Variants in STX6 observed in about 807,000 individuals in gnomAD.
The protein encoded by STX6 is syntaxin 6, also known as syntaxin-6.
Under a neutral mutation model 38.0 loss-of-function variants are expected in STX6, and 23 were observed. The ratio of observed to expected loss-of-function variants is 0.60; its 90% CI spans 0.43 to 0.86. The LOEUF is 0.86. Among genes scored for constraint, STX6 ranks in the 40% least tolerant of loss-of-function variants. The pLI, the probability that STX6 is intolerant of heterozygous loss-of-function variation, is 0.00. For synonymous variants in STX6, 123 were observed against 107.5 expected (o/e 1.14, Z -0.89); for missense variants, 274 against 312.9 (o/e 0.88, Z 0.94).
Position 181,005,294 on chromosome 1 carries a change from T to C in STX6, c.205A>G (p.Ser69Gly), listed in dbSNP as rs1211295944. Residue 69 changes from serine to glycine, a missense_variant and splice_region_variant, in exon 2 of 8, where the codon AGC becomes GGC. Ser to Gly is a moderately conservative substitution (Grantham distance 56). Coordinates refer to ENST00000258301, the MANE Select transcript of STX6 (RefSeq NM_005819.6). Reference sequence around the variant, plus strand: ...GCACAGACACCACAGAAAAGGATATTGATGGTTTCATCAAGGTCCTCTAGA... The same window carrying C: ...GCACAGACACCACAGAAAAGGATATCGATGGTTTCATCAAGGTCCTCTAGA... ...WDLEDLDETI[S>G]IVEANPRKFN... 3 of 1,613,334 alleles carry C rather than the reference T, an allele frequency of 1.9e-6. No homozygotes were observed. Among genetic ancestry groups the C allele is most frequent in the South Asian group, 1.1e-5 (1 of 90,956 alleles).
At chr1:180,997,804 C>T (rs1655955665) in intron 3 of STX6, among the ~76,000 whole-genome samples, 1 of 150,688 alleles carries the variant, frequency 6.6e-6, no homozygotes, top group Non-Finnish European at 1.5e-5. Flanking sequence ...AAAAAAGTTA[C>T]AGATTATCAT....
At chr1:180,999,428 T>C (rs982223529) in intron 3 of STX6, among the ~76,000 whole-genome samples, 3 of 152,170 alleles carry the variant, frequency 2.0e-5, no homozygotes, top group Non-Finnish European at 4.4e-5. Flanking sequence ...TATAGGTGAC[T>C]CCACAAGAGT....
chr1:180,993,445 GA>G lies in STX6; in HGVS notation c.301-21del. The G allele has an allele frequency of 7.0e-7, 1 of 1,430,252 alleles. No homozygotes were observed. Among genetic ancestry groups the G allele is most frequent in the Non-Finnish European group, 9.8e-7 (1 of 1,022,048 alleles). The allele number at this position is 1,430,252 out of a possible 1,614,324, so 88.6% of individuals were successfully genotyped here. On this transcript the variant is annotated intron_variant, in intron 3 of 7. Transcript: ENST00000258301. Reference sequence around the variant, plus strand: ...CATGTCCTAATGAGAAAGAAGATACGAAAACAAATGAAAAATATCCTTAAAC... The same window carrying G: ...CATGTCCTAATGAGAAAGAAGATACGAAACAAATGAAAAATATCCTTAAAC...
At chr1:181,008,726 TG>T (rs368052720) in intron 1 of STX6, among the ~76,000 whole-genome samples, 223 of 130,608 alleles carry the variant, frequency 1.7e-3, no homozygotes, top group African/African-American at 6.7e-3. Context: ...TTTCCAAAAT[TG>T]TTTTTTTTTT....
chr1:181,014,213 C>T (rs969285483), intron 1 of STX6, among the ~76,000 whole-genome samples: 11 of 151,920 alleles, frequency 7.2e-5, no homozygotes, highest in African/African-American at 2.7e-4. Flanking sequence ...CTGGCCAATA[C>T]AGTCAAACCG....
Position 180,999,630 on chromosome 1 carries a change from C to T in STX6, c.300+2976G>A, listed in dbSNP as rs542919483. On this transcript the variant is annotated intron_variant, in intron 3 of 7. Transcript: ENST00000258301. ...TGGACATTAATCAAGAAGAAACAGG[C>T]GATTTACTTCTTCAGGTTGAAGCAA... Among the ~76,000 whole-genome samples the T allele has an allele frequency of 1.2e-3, 182 of 146,266 alleles. 1 individual carries two copies. The highest frequency in any genetic ancestry group is 4.4e-3 in the African/African-American group (174 of 39,146).
intron 3 of STX6, among the ~76,000 whole-genome samples, chr1:180,993,692 A>AG (rs397828032): frequency 6.6e-6 from 1 of 151,966 alleles, no homozygotes; most frequent in Non-Finnish European, 1.5e-5. Flanking sequence ...CAGGTCAGAA[A>AG]CAGTGCTAAA....
intron 7 of STX6, among the ~76,000 whole-genome samples, chr1:180,977,631 G>A (rs774635571): frequency 2.0e-5 from 3 of 152,134 alleles, no homozygotes; most frequent in Middle Eastern, 3.2e-3. Flanking sequence ...ATTCACTAGC[G>A]TATGAAAATG....
chr1:181,012,620 A>G (rs1389642437), intron 1 of STX6, among the ~76,000 whole-genome samples: 6 of 151,792 alleles, frequency 4.0e-5, no homozygotes, highest in African/African-American at 1.5e-4. Flanking sequence ...TGAAGAATGC[A>G]TCTTTTGGGA....
At chr1:181,001,984 G>C (rs757685598) in intron 3 of STX6, among the ~76,000 whole-genome samples, 7 of 152,144 alleles carry the variant, frequency 4.6e-5, no homozygotes, top group Non-Finnish European at 7.4e-5. Context: ...TTCAAGACCA[G>C]CCTGAGCAAC....
chr1:180,985,913 T>A (rs1655568022), intron 6 of STX6, among the ~76,000 whole-genome samples: 1 of 152,216 alleles, frequency 6.6e-6, no homozygotes, highest in Admixed American at 6.5e-5. Flanking sequence ...GGCAACCAAC[T>A]CTTCATTAAA....
chr1:181,017,905 A>C (rs1487203456), intron 1 of STX6, among the ~76,000 whole-genome samples: 1 of 152,200 alleles, frequency 6.6e-6, no homozygotes, highest in East Asian at 1.9e-4. Flanking sequence ...CTCCAGGAAT[A>C]CAGGCTATGA....
intron 1 of STX6, among the ~76,000 whole-genome samples, chr1:181,022,044 T>TC (rs1424540872): frequency 6.6e-6 from 1 of 152,028 alleles, no homozygotes; most frequent in African/African-American, 2.4e-5. Context: ...CAGTAAAAAC[T>TC]CCCCCATTGA....
intron 3 of STX6, 86 bp downstream of exon 3, chr1:181,002,520 A>T: frequency 2.2e-6 from 2 of 910,836 alleles, no homozygotes. Flanking sequence ...TTCAGAGGTG[A>T]CCTATTAGTT....
chr1:181,002,745 GACA>G, intron 2 of STX6, 45 bp from the exon 3 acceptor site: 2 of 1,312,542 alleles, frequency 1.5e-6, no homozygotes, highest in East Asian at 2.3e-5. Context: ...ATCAAAGCCT[GACA>G]ACATCCTGTT....
intron 5 of STX6, 139 bp downstream of exon 5, chr1:180,989,845 T>A: frequency 9.5e-7 from 1 of 1,053,446 alleles, no homozygotes; most frequent in Non-Finnish European, 1.4e-6. Context: ...CATATGCAAT[T>A]ATTAAACACA....
At chr1:180,996,559 G>A (rs1052190061) in intron 3 of STX6, among the ~76,000 whole-genome samples, 2 of 151,954 alleles carry the variant, frequency 1.3e-5, no homozygotes, top group African/African-American at 4.8e-5. Flanking sequence ...CTTTTTGTAG[G>A]ATACTTTGAA....
chr1:181,005,367 G>A lies in STX6; in HGVS notation c.132C>T (p.Asp44=). ...DPSTATREEI[D]WTTNELRNNL... ...TATTTCTCAGCTCGTTGGTGGTCCA[G>A]TCGATTTCTTCCCTTGTTGCTGTGG... The change falls in exon 2 of 8, where the codon GAC becomes GAT. Residue 44 remains aspartate, a synonymous_variant. Coordinates refer to ENST00000258301, the MANE Select transcript of STX6 (RefSeq NM_005819.6). 1 of 1,614,100 alleles carries A rather than the reference G, an allele frequency of 6.2e-7. No homozygotes were observed. The highest frequency in any genetic ancestry group is 8.5e-7 in the Non-Finnish European group (1 of 1,179,988).
chr1:180,986,901 G>A (rs975596456), intron 6 of STX6, among the ~76,000 whole-genome samples: 2 of 152,076 alleles, frequency 1.3e-5, no homozygotes, highest in Non-Finnish European at 1.5e-5. Flanking sequence ...TCCTCAAACT[G>A]AACTTTAGGG....
Sources: gnomAD v4.1 joint callset for allele counts (sites outside exome capture counted in the v4.1 genomes callset) on GRCh38, gnomAD v4.1.1 for gene constraint, MANE v1.5 for transcripts, NCBI Gene and HGNC (gene_info 2026-07-23, HGNC 2026-07-21) for gene names.